Variants in PTK2 observed in about 807,000 individuals in gnomAD.
The protein encoded by PTK2 is protein tyrosine kinase 2.
PTK2 carries 45 observed loss-of-function variants against 150.1 expected under a neutral mutation model. The observed-to-expected ratio is 0.30, with a 90% CI of 0.24 to 0.38. PTK2 has a LOEUF of 0.38. Ranked by LOEUF, PTK2 falls within the 10% of genes least tolerant of loss-of-function variation. The pLI is 1.00. For synonymous variants in PTK2, 432 were observed against 449.2 expected (o/e 0.96, Z 0.48); for missense variants, 919 against 1,307.3 (o/e 0.70, Z 4.58).
intron 4 of PTK2, among the ~76,000 whole-genome samples, chr8:140,870,290 A>T (rs564275230): frequency 7.9e-4 from 120 of 152,324 alleles, no homozygotes; most frequent in African/African-American, 2.7e-3. Flanking sequence ...GGTTTCTTCC[A>T]AAAATCTTGA....
intron 22 of PTK2, among the ~76,000 whole-genome samples, chr8:140,722,867 G>A (rs1277643627): frequency 6.6e-6 from 1 of 152,180 alleles, no homozygotes; most frequent in Non-Finnish European, 1.5e-5. Flanking sequence ...TAAAATAAAG[G>A]CAAGCTAAGA....
chr8:140,780,403 A>AG (rs1276254646), intron 14 of PTK2, among the ~76,000 whole-genome samples: 1 of 152,114 alleles, frequency 6.6e-6, no homozygotes, highest in South Asian at 2.1e-4. Flanking sequence ...TGTTGTGGGG[A>AG]GGGGGGGAAT....
intron 3 of PTK2, among the ~76,000 whole-genome samples, chr8:140,887,499 A>C (rs1365547137): frequency 6.6e-6 from 1 of 152,252 alleles, no homozygotes; most frequent in Non-Finnish European, 1.5e-5. Flanking sequence ...TAACTGAAGC[A>C]TGATAAAGGC....
intron 4 of PTK2, among the ~76,000 whole-genome samples, chr8:140,870,650 C>T (rs2100141962): frequency 6.6e-6 from 1 of 152,076 alleles, no homozygotes; most frequent in African/African-American, 2.4e-5. Flanking sequence ...CCTTAACAAA[C>T]TGCAAGCAAA....
At chr8:140,871,754 C>T (rs922104488) in intron 4 of PTK2, among the ~76,000 whole-genome samples, 1 of 152,116 alleles carries the variant, frequency 6.6e-6, no homozygotes, top group Admixed American at 6.6e-5. Flanking sequence ...TGGCAAACAC[C>T]TCTAGTCCTA....
At chr8:140,808,110 C>T (rs779155809) in intron 10 of PTK2, among the ~76,000 whole-genome samples, 1 of 152,124 alleles carries the variant, frequency 6.6e-6, no homozygotes, top group Non-Finnish European at 1.5e-5. Context: ...GAGAGGGACA[C>T]AGGGCTAAAA....
At chr8:140,847,341 G>C (rs1472572433) in intron 5 of PTK2, among the ~76,000 whole-genome samples, 1 of 152,126 alleles carries the variant, frequency 6.6e-6, no homozygotes, top group African/African-American at 2.4e-5. Flanking sequence ...GTAAAGAGAA[G>C]AATCTAATGG....
chr8:140,855,527 G>A (rs1163531646), intron 5 of PTK2, among the ~76,000 whole-genome samples: 2 of 151,980 alleles, frequency 1.3e-5, no homozygotes, highest in Non-Finnish European at 2.9e-5. Context: ...CCCAGGAGGC[G>A]GAGGTTGCAG....
At chr8:140,992,293 GAAAAAAA>G (rs397949814) in intron 1 of PTK2, among the ~76,000 whole-genome samples, 3 of 120,626 alleles carry the variant, frequency 2.5e-5, no homozygotes, top group African/African-American at 3.0e-5. Flanking sequence ...CTTCATCTCG[GAAAAAAA>G]AAAAAAAAAA....
intron 18 of PTK2, among the ~76,000 whole-genome samples, chr8:140,745,691 A>G (rs1178900422): frequency 6.6e-6 from 1 of 152,128 alleles, no homozygotes; most frequent in African/African-American, 2.4e-5. Context: ...TATTCACTCA[A>G]TTACTCACAT....
chr8:140,693,245 A>G (rs1481226020), intron 26 of PTK2, among the ~76,000 whole-genome samples: 13 of 152,122 alleles, frequency 8.5e-5, no homozygotes, highest in Admixed American at 8.5e-4. Context: ...ACAGTATCTG[A>G]TCTGGGAACA....
chr8:140,955,546 T>C (rs892072267), intron 1 of PTK2, among the ~76,000 whole-genome samples: 5 of 151,950 alleles, frequency 3.3e-5, no homozygotes, highest in Middle Eastern at 3.2e-3. Flanking sequence ...AAAAGATAAA[T>C]TTAAAAACCA....
intron 14 of PTK2, among the ~76,000 whole-genome samples, chr8:140,778,818 T>C (rs1395774848): frequency 6.6e-6 from 1 of 152,026 alleles, no homozygotes; most frequent in Non-Finnish European, 1.5e-5. Context: ...AGAATGGGGA[T>C]GGGATCAAGG....
intron 1 of PTK2, among the ~76,000 whole-genome samples, chr8:140,973,236 T>C (rs1454262328): frequency 6.6e-6 from 1 of 152,168 alleles, no homozygotes; most frequent in Admixed American, 6.5e-5. Flanking sequence ...TGGGAGGTAA[T>C]CTTTAAGCTC....
intron 5 of PTK2, among the ~76,000 whole-genome samples, chr8:140,856,153 C>T (rs1221723439): frequency 6.6e-6 from 1 of 152,056 alleles, no homozygotes; most frequent in East Asian, 1.9e-4. Flanking sequence ...ACATACCCAC[C>T]TAGTCAAAAG....
intron 1 of PTK2, among the ~76,000 whole-genome samples, chr8:140,991,502 C>A (rs1026186478): frequency 1.3e-5 from 2 of 152,174 alleles, no homozygotes; most frequent in Admixed American, 1.3e-4. Context: ...GTTTTGAGAT[C>A]TTTCCAAGAT....
At chr8:140,665,807 A>T (rs982399859) in intron 30 of PTK2, among the ~76,000 whole-genome samples, 1 of 152,216 alleles carries the variant, frequency 6.6e-6, no homozygotes, top group East Asian at 1.9e-4. Context: ...AAATCTTAGT[A>T]TGTACAAAAT....
chr8:140,751,931 C>T, intron 17 of PTK2: 1 of 554,678 alleles, frequency 1.8e-6, no homozygotes, highest in Non-Finnish European at 3.5e-6. Context: ...TGGGCAGCAT[C>T]AACATTAGGA....
At chr8:140,723,069 C>G (rs2100043887) in intron 22 of PTK2, among the ~76,000 whole-genome samples, 1 of 152,178 alleles carries the variant, frequency 6.6e-6, no homozygotes. Flanking sequence ...CTCTCTCAGG[C>G]TCCATCTGCC....
Sources: gnomAD v4.1 joint callset for allele counts (sites outside exome capture counted in the v4.1 genomes callset) on GRCh38, gnomAD v4.1.1 for gene constraint, MANE v1.5 for transcripts, NCBI Gene and HGNC (gene_info 2026-07-23, HGNC 2026-07-21) for gene names.